Variants in ARHGAP25 observed in about 807,000 individuals in gnomAD.
The protein encoded by ARHGAP25 is Rho GTPase activating protein 25, also known as rho GTPase-activating protein 25.
A neutral mutation model predicts 71.0 loss-of-function variants in ARHGAP25; 34 were observed. The observed-to-expected ratio is 0.48, with a 90% CI of 0.36 to 0.64. The LOEUF is 0.64. Ranked by LOEUF, ARHGAP25 falls within the 30% of genes least tolerant of loss-of-function variation. ARHGAP25 has a pLI of 0.00. For missense variants in ARHGAP25, 706 were observed against 805.1 expected, an observed-to-expected ratio of 0.88 and a Z score of 1.49; for synonymous variants, 282 against 296.5, an observed-to-expected ratio of 0.95 and a Z score of 0.50.
Position 68,736,383 on chromosome 2 carries a change from C to G in ARHGAP25, c.61+1123C>G, listed in dbSNP as rs562544081. Among the ~76,000 whole-genome samples, 26 of 152,300 alleles carry G rather than the reference C, an allele frequency of 1.7e-4. No homozygotes were observed. In the South Asian group the frequency reaches 2.1e-3, roughly 12 times the overall value. On this transcript the variant is annotated intron_variant, in intron 1 of 10. Transcript: ENST00000409202. ...GAAAAGGTAATGTTCATACCTCTTA[C>G]AAAAGCAAGAGATTTTCCTCCTAAC...
At chr2:68,761,709 C>T (rs968895988) in intron 1 of ARHGAP25, among the ~76,000 whole-genome samples, 5 of 152,218 alleles carry the variant, frequency 3.3e-5, no homozygotes, top group Middle Eastern at 3.4e-3. Flanking sequence ...ATTATGATGG[C>T]TGCTATTAAA....
intron 4 of ARHGAP25, among the ~76,000 whole-genome samples, chr2:68,800,460 C>G (rs574398556): frequency 6.6e-6 from 1 of 151,970 alleles, no homozygotes; most frequent in Non-Finnish European, 1.5e-5. Context: ...GGTAGTGAGG[C>G]CTCACCCTTC....
At chr2:68,722,056 T>C (rs1481310061) in intron 2 of ARHGAP25, among the ~76,000 whole-genome samples, 1 of 152,220 alleles carries the variant, frequency 6.6e-6, no homozygotes, top group African/African-American at 2.4e-5. Flanking sequence ...CACCTCAGCA[T>C]GCAGTGCTTT....
At chr2:68,747,445 A>C (rs1056953733) in intron 1 of ARHGAP25, among the ~76,000 whole-genome samples, 4 of 152,188 alleles carry the variant, frequency 2.6e-5, no homozygotes, top group Non-Finnish European at 5.9e-5. Context: ...CTAAGCATGG[A>C]GTGCTGTATG....
chr2:68,796,146 C>A (rs930685795), intron 4 of ARHGAP25, among the ~76,000 whole-genome samples: 7 of 152,140 alleles, frequency 4.6e-5, no homozygotes, highest in African/African-American at 1.4e-4. Flanking sequence ...TTCTGTAATT[C>A]CTCCAATAAA....
intron 1 of ARHGAP25, among the ~76,000 whole-genome samples, chr2:68,744,975 A>G (rs1443152195): frequency 1.3e-5 from 2 of 152,222 alleles, no homozygotes; most frequent in Non-Finnish European, 2.9e-5. Flanking sequence ...AAGATTCCAG[A>G]TAAAAATCAC....
intron 5 of ARHGAP25, among the ~76,000 whole-genome samples, chr2:68,810,731 C>CTTTTCTTTTTTTTTTTTTTT: frequency 1.3e-5 from 1 of 74,354 alleles, no homozygotes; most frequent in Non-Finnish European, 2.5e-5. Flanking sequence ...CTTTTCTTCT[C>CTTTTCTTTTTTTTTTTTTTT]TTTTTTTTTT....
At chr2:68,804,023 G>A (rs752858865) in intron 4 of ARHGAP25, among the ~76,000 whole-genome samples, 5 of 152,190 alleles carry the variant, frequency 3.3e-5, no homozygotes, top group African/African-American at 7.2e-5. Flanking sequence ...GCAGCAGGGC[G>A]GGGATGTTGA....
At chr2:68,746,638 C>CACACA (rs1364922731) in intron 1 of ARHGAP25, among the ~76,000 whole-genome samples, 1 of 151,318 alleles carries the variant, frequency 6.6e-6, no homozygotes, top group South Asian at 2.1e-4. Flanking sequence ...AGGCCCCTGA[C>CACACA]TGTGAAAAAT....
chr2:68,824,938 G>C (rs1003854486), intron 10 of ARHGAP25, among the ~76,000 whole-genome samples: 3 of 152,054 alleles, frequency 2.0e-5, no homozygotes, highest in African/African-American at 7.2e-5. Flanking sequence ...CATTTGGGGA[G>C]AAGGGAGGCA....
chr2:68,753,424 T>C (rs1193881326), intron 1 of ARHGAP25, among the ~76,000 whole-genome samples: 2 of 152,200 alleles, frequency 1.3e-5, no homozygotes, highest in Non-Finnish European at 2.9e-5. Context: ...ACTTGAATTA[T>C]GGAAGGAAAC....
At chr2:68,712,918 A>G (rs1674521510) in intron 2 of ARHGAP25, among the ~76,000 whole-genome samples, 1 of 152,142 alleles carries the variant, frequency 6.6e-6, no homozygotes, top group African/African-American at 2.4e-5. Context: ...GTAGCCTTGT[A>G]GTATAGTTTG....
At chr2:68,777,952 T>C (rs1678039820) in intron 2 of ARHGAP25, among the ~76,000 whole-genome samples, 1 of 152,136 alleles carries the variant, frequency 6.6e-6, no homozygotes, top group Non-Finnish European at 1.5e-5. Flanking sequence ...ATAATAAATA[T>C]TATTTAATGA....
chr2:68,720,505 C>A (rs1310694940), intron 2 of ARHGAP25, among the ~76,000 whole-genome samples: 1 of 152,134 alleles, frequency 6.6e-6, no homozygotes, highest in Non-Finnish European at 1.5e-5. Flanking sequence ...TGGCTGCAGT[C>A]TGTTTTTTGC....
intron 5 of ARHGAP25, among the ~76,000 whole-genome samples, chr2:68,811,298 T>G (rs1226174243): frequency 6.6e-6 from 1 of 151,936 alleles, no homozygotes; most frequent in Non-Finnish European, 1.5e-5. Flanking sequence ...CAAACAGGAG[T>G]CCCAGGATGC....
intron 2 of ARHGAP25, among the ~76,000 whole-genome samples, chr2:68,721,799 G>A (rs780273597): frequency 6.6e-6 from 1 of 152,164 alleles, no homozygotes; most frequent in Non-Finnish European, 1.5e-5. Context: ...ACCTAAGGTC[G>A]ACAGAGGATT....
chr2:68,818,463 G>A (rs937422164), intron 8 of ARHGAP25, among the ~76,000 whole-genome samples: 1 of 152,200 alleles, frequency 6.6e-6, no homozygotes, highest in Non-Finnish European at 1.5e-5. Context: ...AAGTAGCTGG[G>A]ACTACAGGCA....
intron 4 of ARHGAP25, among the ~76,000 whole-genome samples, 192 bp downstream of exon 4, chr2:68,788,148 C>G (rs529740223): frequency 2.6e-5 from 4 of 152,348 alleles, no homozygotes; most frequent in South Asian, 4.1e-4. Context: ...CTTCCCACCC[C>G]CTGCGGCACC....
chr2:68,728,618 C>T (rs1419882246), intron 2 of ARHGAP25, among the ~76,000 whole-genome samples: 1 of 152,038 alleles, frequency 6.6e-6, no homozygotes, highest in East Asian at 1.9e-4. Flanking sequence ...TGCACAAGGC[C>T]AGGCATGGTG....
Sources: gnomAD v4.1 joint callset for allele counts (sites outside exome capture counted in the v4.1 genomes callset) on GRCh38, gnomAD v4.1.1 for gene constraint, MANE v1.5 for transcripts, NCBI Gene and HGNC (gene_info 2026-07-23, HGNC 2026-07-21) for gene names.